The following LARP1B variants were observed in gnomAD, a reference collection of about 807,000 sequenced individuals.
LARP1B encodes La ribonucleoprotein 1B.
In LARP1B, 76 loss-of-function variants were observed where a neutral mutation model predicts 114.2. The observed-to-expected ratio is 0.67, with a 90% CI of 0.55 to 0.81. LARP1B has a LOEUF of 0.81. Ranked by LOEUF, LARP1B falls within the 30% of genes least tolerant of loss-of-function variation. The pLI is 0.00. For missense variants in LARP1B, 1,014 were observed against 1,075.8 expected (o/e 0.94, Z 0.80); for synonymous variants, 345 against 348.0 (o/e 0.99, Z 0.10).
chr4:128,094,400 C>CTTTTTTTTTT (rs776529101), intron 7 of LARP1B, among the ~76,000 whole-genome samples: 2 of 128,742 alleles, frequency 1.6e-5, no homozygotes, highest in East Asian at 2.2e-4. Flanking sequence ...TTTTCTTTTT[C>CTTTTTTTTTT]TTTTTTTTTT....
chr4:128,158,384 A>G (rs533071713), intron 11 of LARP1B, among the ~76,000 whole-genome samples: 4 of 152,352 alleles, frequency 2.6e-5, no homozygotes, highest in Admixed American at 2.6e-4. Flanking sequence ...ATAATAGCTC[A>G]GTAATATTTC....
In LARP1B at chr4:128,210,389, A is replaced by T. The variant is rs1758761711; in HGVS notation, c.*336A>T. Reference sequence around the variant, plus strand: ...AAAACAGCATTCCTTAAATATATTTAAAAAACAATACAAGGAATGCCTAAC... The same window carrying T: ...AAAACAGCATTCCTTAAATATATTTTAAAAACAATACAAGGAATGCCTAAC... On this transcript the variant is annotated 3_prime_UTR_variant, in exon 20 of 20. Coordinates refer to ENST00000326639, the MANE Select transcript of LARP1B (RefSeq NM_018078.4). 3.7e-6 allele frequency: 4 copies of T among 1,071,896 alleles called. No individual in the cohort carries two copies. The highest frequency in any genetic ancestry group is 4.5e-6 in the Non-Finnish European group (4 of 882,872). The allele number at this position is 1,071,896 out of a possible 1,614,324, so 66.4% of individuals were successfully genotyped here.
intron 9 of LARP1B, among the ~76,000 whole-genome samples, chr4:128,114,164 C>T (rs1785036645): frequency 6.6e-6 from 1 of 152,094 alleles, no homozygotes; most frequent in African/African-American, 2.4e-5. Flanking sequence ...CTAATTTTAC[C>T]TTGAATAAGA....
At chr4:128,066,907 C>T (rs1763176078) in intron 1 of LARP1B, among the ~76,000 whole-genome samples, 1 of 151,434 alleles carries the variant, frequency 6.6e-6, no homozygotes, top group African/African-American at 2.4e-5. Flanking sequence ...GAGCAATTCT[C>T]CTGCCTCAGT....
chr4:128,181,180 C>CTTTTT (rs70966086), intron 15 of LARP1B, among the ~76,000 whole-genome samples: 10 of 129,998 alleles, frequency 7.7e-5, no homozygotes, highest in African/African-American at 1.1e-4. Flanking sequence ...CTCATCCATT[C>CTTTTT]TTTTTTTTTT....
intron 11 of LARP1B, 195 bp downstream of exon 11, chr4:128,122,383 C>T (rs1325556366): frequency 6.8e-6 from 10 of 1,460,074 alleles, no homozygotes; most frequent in East Asian, 2.5e-5. Flanking sequence ...AAAGTAACAG[C>T]GTGATGAATA....
chr4:128,066,593 T>G (rs1176749053), intron 1 of LARP1B, among the ~76,000 whole-genome samples: 1 of 150,758 alleles, frequency 6.6e-6, no homozygotes, highest in Non-Finnish European at 1.5e-5. Flanking sequence ...TTCTCCTGCC[T>G]CAGCCAGCCA....
chr4:128,129,658 C>T lies in LARP1B; in HGVS notation c.1524+7470C>T, dbSNP rs74813522. Among the ~76,000 whole-genome samples the T allele has an allele frequency of 4.0e-3, 612 of 152,152 alleles. 4 individuals carry two copies. The highest frequency in any genetic ancestry group is 0.014 in the African/African-American group (582 of 41,518). On this transcript the variant is annotated intron_variant, in intron 11 of 19. Coordinates refer to ENST00000326639, the MANE Select transcript of LARP1B (RefSeq NM_018078.4). ...TAAAGCTGCAGTAATGAAGGCAGTACGGTACTGGTGAAAGAATAGACAACT... is the reference window on the plus strand; with the variant it reads ...TAAAGCTGCAGTAATGAAGGCAGTATGGTACTGGTGAAAGAATAGACAACT...
Position 128,065,253 on chromosome 4 carries a change from A to ATTTCTTTTTC in LARP1B, c.-78+3859_-78+3860insTTCTTTCTTT, listed in dbSNP as rs1341596258. Among the ~76,000 whole-genome samples the ATTTCTTTTTC allele has an allele frequency of 3.5e-4, 31 of 89,616 alleles. 1 individual carries two copies. The highest frequency in any genetic ancestry group is 1.2e-3 in the African/African-American group (28 of 24,134). 58.8% of individuals were successfully genotyped at this position (89,616 alleles called of 152,430 possible). A position where few individuals can be genotyped will look rare whatever the true frequency, so the allele number is the denominator to read the frequency against. The stretch of plus-strand genomic sequence containing the variant: ...ACTCTGCACTGTTCTCCCACAATTA[A>ATTTCTTTTTC]TTTCTTTCTTTCTTTCTTTCTTTCT... On this transcript the variant is annotated intron_variant, in intron 1 of 19. Coordinates refer to ENST00000326639, the MANE Select transcript of LARP1B (RefSeq NM_018078.4).
At chr4:128,175,716 A>G (rs559578880) in intron 12 of LARP1B, among the ~76,000 whole-genome samples, 4 of 152,232 alleles carry the variant, frequency 2.6e-5, no homozygotes, top group South Asian at 2.1e-4. Flanking sequence ...TATTTATTCA[A>G]TGTGTTTATT....
intron 11 of LARP1B, among the ~76,000 whole-genome samples, chr4:128,152,142 CAG>C (rs1733078002): frequency 6.6e-6 from 1 of 151,112 alleles, no homozygotes; most frequent in Non-Finnish European, 1.5e-5. Context: ...AGTCTTTATT[CAG>C]TATTTTAGCT....
At chr4:128,101,563 T>C (rs1780330414) in intron 8 of LARP1B, among the ~76,000 whole-genome samples, 1 of 147,008 alleles carries the variant, frequency 6.8e-6, no homozygotes, top group African/African-American at 2.5e-5. Context: ...GAAAATTAGT[T>C]TTTTTTTTTT....
rs573630893 is a variant in LARP1B at position 128,073,143 on chromosome 4, G to A, written c.-77-1317G>A. Among the ~76,000 whole-genome samples the A allele has an allele frequency of 2.6e-5, 4 of 152,200 alleles. No individual in the cohort carries two copies. The East Asian group carries it at 5.8e-4, about 22-fold the overall frequency. ...AGATATACTACCTTGGCTGGGCGCC[G>A]TGGCTCATGCCTGTAATCCTGGCAC... is the stretch of plus-strand genomic sequence containing the variant. On this transcript the variant is annotated intron_variant, in intron 1 of 19. Transcript: ENST00000326639.
At chr4:128,125,209 C>T (rs1024287729) in intron 11 of LARP1B, among the ~76,000 whole-genome samples, 17 of 152,252 alleles carry the variant, frequency 1.1e-4, no homozygotes, top group Middle Eastern at 3.4e-3. Context: ...CTACCCAAAA[C>T]GGGTAAAAAC....
intron 12 of LARP1B, among the ~76,000 whole-genome samples, chr4:128,166,477 A>G (rs1740862132): frequency 6.6e-6 from 1 of 151,962 alleles, no homozygotes; most frequent in Non-Finnish European, 1.5e-5. Context: ...AAAAATATAT[A>G]TAAGGTGTAC....
chr4:128,063,156 G>T (rs1760947115), intron 1 of LARP1B, among the ~76,000 whole-genome samples: 1 of 152,138 alleles, frequency 6.6e-6, no homozygotes, highest in African/African-American at 2.4e-5. Flanking sequence ...GGCCGGCGCG[G>T]TGGCTCACGC....
intron 12 of LARP1B, among the ~76,000 whole-genome samples, chr4:128,168,495 G>A (rs1244261028): frequency 1.3e-5 from 2 of 152,010 alleles, no homozygotes; most frequent in East Asian, 3.9e-4. Flanking sequence ...ATGTACATAT[G>A]TAATTTGCAC....
chr4:128,108,224 C>A, intron 9 of LARP1B: 2 of 1,159,086 alleles, frequency 1.7e-6, no homozygotes, highest in Non-Finnish European at 1.1e-6. Context: ...CTGGAAATAC[C>A]GCAAGATTAT....
chr4:128,142,242 G>A (rs769841542), intron 11 of LARP1B, among the ~76,000 whole-genome samples: 1 of 152,190 alleles, frequency 6.6e-6, no homozygotes, highest in Non-Finnish European at 1.5e-5. Flanking sequence ...TGAATCTCAG[G>A]TGGGGATCAT....
Sources: allele counts gnomAD v4.1 joint callset (sites outside exome capture counted in the v4.1 genomes callset), GRCh38; gene constraint gnomAD v4.1.1; transcripts MANE v1.5; gene names NCBI Gene and HGNC (gene_info 2026-07-23, HGNC 2026-07-21).